Variants in VAV3 observed in about 807,000 individuals in gnomAD.
VAV3 encodes guanine nucleotide exchange factor VAV3.
VAV3 carries 94 observed loss-of-function variants against 131.2 expected under a neutral mutation model. The ratio of observed to expected loss-of-function variants is 0.72; its 90% CI spans 0.61 to 0.85. VAV3 has a LOEUF of 0.85. Ranked by LOEUF, VAV3 falls within the 40% of genes least tolerant of loss-of-function variation. The probability of loss-of-function intolerance (pLI) is 0.00; values close to 1 mark genes in which losing one functional copy is unlikely to be tolerated. For missense variants in VAV3, 939 were observed against 1,002.7 expected, an observed-to-expected ratio of 0.94 and a Z score of 0.86; for synonymous variants, 349 against 342.0, an observed-to-expected ratio of 1.02 and a Z score of -0.22.
At chr1:107,921,323 T>C (rs530732939) in intron 1 of VAV3, among the ~76,000 whole-genome samples, 1 of 152,336 alleles carries the variant, frequency 6.6e-6, no homozygotes, top group East Asian at 1.9e-4. Flanking sequence ...TCACATACTT[T>C]AGTGAAACAC....
chr1:107,929,665 GAGTTAAAAAGTGGAGGGACGA>G (rs1470320145), intron 1 of VAV3, among the ~76,000 whole-genome samples: 1 of 152,042 alleles, frequency 6.6e-6, no homozygotes, highest in Non-Finnish European at 1.5e-5. Flanking sequence ...AAATAATAAA[GAGTTAAAAAGTGGAGGGACGA>G]AGTTAAAAAG....
chr1:107,573,001 T>C lies in VAV3; in HGVS notation c.*330A>G, dbSNP rs2100972107. ...AAGATTTACTGATGACTGGCATTCA[T>C]GGTATCTGACCAGAAGAAGTAAAGG... On this transcript the variant is annotated 3_prime_UTR_variant, in exon 27 of 27. Transcript: ENST00000370056. 3.2e-6 allele frequency: 1 copy of C among 311,836 alleles called. No homozygotes were observed. Among genetic ancestry groups the C allele is most frequent in the East Asian group, 5.3e-5 (1 of 18,806 alleles). The allele number at this position is 311,836 out of a possible 1,614,324, so 19.3% of individuals were successfully genotyped here.
At chr1:107,665,489 G>A (rs939585791) in intron 19 of VAV3, among the ~76,000 whole-genome samples, 1 of 152,142 alleles carries the variant, frequency 6.6e-6, no homozygotes, top group Non-Finnish European at 1.5e-5. Flanking sequence ...ACACTTTTGT[G>A]TGAAGGGTTC....
intron 1 of VAV3, among the ~76,000 whole-genome samples, chr1:107,921,011 C>G (rs556704398): frequency 6.6e-6 from 1 of 152,226 alleles, no homozygotes; most frequent in Admixed American, 6.5e-5. Flanking sequence ...TATCATAAAG[C>G]TTTTTAACTG....
intron 1 of VAV3, among the ~76,000 whole-genome samples, chr1:107,953,625 G>T (rs957898030): frequency 2.6e-5 from 4 of 152,182 alleles, no homozygotes; most frequent in African/African-American, 9.7e-5. Flanking sequence ...CAAAGAGAAG[G>T]AAACATGAAG....
intron 1 of VAV3, among the ~76,000 whole-genome samples, chr1:107,927,629 T>C (rs991948575): frequency 1.7e-4 from 26 of 151,952 alleles, no homozygotes; most frequent in African/African-American, 6.0e-4. Flanking sequence ...AAGAAAACAT[T>C]GGTGGTAGTC....
At chr1:107,937,177 C>T (rs1271498351) in intron 1 of VAV3, among the ~76,000 whole-genome samples, 2 of 152,088 alleles carry the variant, frequency 1.3e-5, no homozygotes, top group South Asian at 2.1e-4. Context: ...CAATATTTGG[C>T]GATCTGAAAA....
At chr1:107,713,197 G>C (rs1446083543) in intron 15 of VAV3, among the ~76,000 whole-genome samples, 1 of 152,026 alleles carries the variant, frequency 6.6e-6, no homozygotes, top group Admixed American at 6.6e-5. Context: ...GCATTTAAAT[G>C]TAAAATTTAG....
chr1:107,954,759 T>C (rs1674721189), intron 1 of VAV3, among the ~76,000 whole-genome samples: 2 of 131,418 alleles, frequency 1.5e-5, no homozygotes, highest in Non-Finnish European at 3.1e-5. Flanking sequence ...AACAGGAAAA[T>C]ACCATGGGAG....
chr1:107,719,002 A>G (rs536497807), intron 15 of VAV3, among the ~76,000 whole-genome samples: 17 of 152,354 alleles, frequency 1.1e-4, no homozygotes, highest in East Asian at 9.6e-4. Flanking sequence ...CTGGCTAGCC[A>G]TATGTAGAAA....
chr1:107,835,848 T>C (rs1668455353), intron 2 of VAV3, among the ~76,000 whole-genome samples: 1 of 152,174 alleles, frequency 6.6e-6, no homozygotes, highest in African/African-American at 2.4e-5. Context: ...CCATTCTGAC[T>C]GTGCCAAGCA....
intron 1 of VAV3, among the ~76,000 whole-genome samples, chr1:107,898,624 T>C (rs1227904500): frequency 6.6e-6 from 1 of 152,208 alleles, no homozygotes; most frequent in African/African-American, 2.4e-5. Flanking sequence ...TTCAGCAGAT[T>C]ACTGTTACTG....
chr1:107,955,523 T>C (rs345271), intron 1 of VAV3, among the ~76,000 whole-genome samples: 94,187 of 151,788 alleles, frequency 0.62, 32,145 homozygotes, highest in Middle Eastern at 0.81. Context: ...GAAAAAAAAC[T>C]GCAAAACAGC....
At chr1:107,817,217 G>T (rs975112635) in intron 2 of VAV3, among the ~76,000 whole-genome samples, 3 of 152,190 alleles carry the variant, frequency 2.0e-5, no homozygotes, top group Non-Finnish European at 2.9e-5. Flanking sequence ...TGGGCTGGTG[G>T]TTAACTCCTA....
At chr1:107,582,735 C>T (rs1570556132) in intron 25 of VAV3, among the ~76,000 whole-genome samples, 1 of 152,184 alleles carries the variant, frequency 6.6e-6, no homozygotes, top group East Asian at 1.9e-4. Flanking sequence ...CTACAAAGGA[C>T]ATGAACTCAT....
chr1:107,704,857 T>A, intron 16 of VAV3, 103 bp downstream of exon 16: 2 of 1,256,376 alleles, frequency 1.6e-6, no homozygotes, highest in Non-Finnish European at 2.3e-6. Flanking sequence ...CTAAGGCAAA[T>A]TCCCCACTTT....
chr1:107,834,538 T>C (rs557168978), intron 2 of VAV3, among the ~76,000 whole-genome samples: 35 of 151,820 alleles, frequency 2.3e-4, no homozygotes, highest in Non-Finnish European at 4.1e-4. Context: ...CGCATTCTGA[T>C]CAAGCTCACA....
At chr1:107,601,403 T>G (rs937525426) in intron 24 of VAV3, among the ~76,000 whole-genome samples, 7 of 152,220 alleles carry the variant, frequency 4.6e-5, no homozygotes, top group Middle Eastern at 3.2e-3. Flanking sequence ...CATTTTTGGA[T>G]AAGGCATTCA....
intron 19 of VAV3, among the ~76,000 whole-genome samples, chr1:107,645,321 AT>A (rs60249796): frequency 0.56 from 82,620 of 148,132 alleles, 23,104 homozygotes; most frequent in Middle Eastern, 0.71. Flanking sequence ...AATGGAATGT[AT>A]TTTTTTTTTT....
Sources: gnomAD v4.1 joint callset for allele counts (sites outside exome capture counted in the v4.1 genomes callset) on GRCh38, gnomAD v4.1.1 for gene constraint, MANE v1.5 for transcripts, NCBI Gene and HGNC (gene_info 2026-07-23, HGNC 2026-07-21) for gene names.